TTC9C: variants seen among roughly 807,000 people sequenced by gnomAD.
TTC9C encodes the protein tetratricopeptide repeat domain 9C.
Under a neutral mutation model 22.5 loss-of-function variants are expected in TTC9C, and 15 were observed. The observed-to-expected ratio is 0.67, with a 90% confidence interval of 0.45 to 1.03. The LOEUF (loss-of-function observed/expected upper bound fraction) is 1.03, where lower values mean the gene tolerates loss of function less well. Ranked by LOEUF, TTC9C falls within the 50% of genes least tolerant of loss-of-function variation. The probability of loss-of-function intolerance (pLI) is 0.00; values close to 1 mark genes in which losing one functional copy is unlikely to be tolerated. For synonymous variants in TTC9C, 92 were observed against 86.8 expected (o/e 1.06, Z -0.33); for missense variants, 244 against 214.6 (o/e 1.14, Z -0.86).
chr11:62,728,548 GA>G lies in TTC9C; in HGVS notation c.-298del. ...AGTAGGGCCTTGCTTGAGTTCTTCG[GA>G]AAGTCTCATCCACCCCCACATCGCC... On this transcript the variant is annotated 5_prime_UTR_variant, in exon 1 of 3. Transcript: ENST00000316461. 1.9e-6 allele frequency: 1 copy of G among 522,220 alleles called. No individual in the cohort carries two copies. 32.3% of individuals were successfully genotyped at this position (522,220 alleles called of 1,614,324 possible).
At chr11:62,736,250 TG>T (rs2083910937) in intron 2 of TTC9C, 1 of 144,324 alleles carries the variant, frequency 6.9e-6, no homozygotes, top group African/African-American at 2.6e-5. Context: ...AAAACAGTGT[TG>T]TTTTTTGGGG....
chr11:62,738,620 T>C lies in TTC9C; in HGVS notation c.*238T>C. 1 of 384,872 alleles carries C rather than the reference T, an allele frequency of 2.6e-6. No individual in the cohort carries two copies. The highest frequency in any genetic ancestry group is 4.8e-6 in the Non-Finnish European group (1 of 209,596). 23.8% of individuals were successfully genotyped at this position (384,872 alleles called of 1,614,324 possible). On this transcript the variant is annotated 3_prime_UTR_variant, in exon 3 of 3. Coordinates refer to ENST00000316461, the MANE Select transcript of TTC9C (RefSeq NM_173810.4). ...TGTTGCAGATATTTGGCTTGAGAAA[T>C]ATAATCAGAAAACATACATCAGTTG...
chr11:62,736,937 C>A (rs1181274532), intron 2 of TTC9C, among the ~76,000 whole-genome samples: 1 of 151,388 alleles, frequency 6.6e-6, no homozygotes, highest in South Asian at 2.1e-4. Context: ...GTGGCTTATG[C>A]CTGTAATCCC....
In TTC9C at chr11:62,735,374, C is replaced by T; in HGVS notation, c.239-8C>T. 2.5e-6 allele frequency: 4 copies of T among 1,613,170 alleles called. No homozygotes were observed. Among genetic ancestry groups the T allele is most frequent in the Non-Finnish European group, 3.4e-6 (4 of 1,179,348 alleles). Reference sequence around the variant, plus strand: ...CTACCTCTTCTCTCTTTTCATTTGGCCCATTAGCTTGTCTCCTTCAGATGG... The same window carrying T: ...CTACCTCTTCTCTCTTTTCATTTGGTCCATTAGCTTGTCTCCTTCAGATGG... On this transcript the variant is annotated splice_region_variant and splice_polypyrimidine_tract_variant and intron_variant, in intron 1 of 2. Transcript: ENST00000316461.
rs778887758 is a variant in TTC9C, at chr11:62,735,414, G to A, written c.271G>A (p.Glu91Lys). 4 of 1,614,048 alleles carry A rather than the reference G, an allele frequency of 2.5e-6. No individual in the cohort carries two copies. Among genetic ancestry groups the A allele is most frequent in the Non-Finnish European group, 3.4e-6 (4 of 1,179,994 alleles). ...CLLQMEPVNY[E>K]RVREYSQKVL... is the part of the protein sequence containing the mutation. ...CCTTCAGATGGAGCCCGTGAACTAC[G>A]AACGAGTGAGAGAATATAGTCAGAA... The change falls in exon 2 of 3, where the codon GAA (glutamate) becomes AAA (lysine). Residue 91 changes from glutamate (E) to lysine (K), a missense_variant. Coordinates refer to ENST00000316461, the MANE Select transcript of TTC9C (RefSeq NM_173810.4).
chr11:62,729,573 T>A (rs2083822274), intron 1 of TTC9C, among the ~76,000 whole-genome samples: 1 of 144,666 alleles, frequency 6.9e-6, no homozygotes, highest in Non-Finnish European at 1.5e-5. Context: ...CAGCTAATTT[T>A]TTTTTTTTTT....
In TTC9C at chr11:62,735,539, G is replaced by A; in HGVS notation, c.396G>A (p.Leu132=). 6.2e-7 allele frequency: 1 copy of A among 1,613,534 alleles called. No individual in the cohort carries two copies. Among genetic ancestry groups the A allele is most frequent in the South Asian group, 1.1e-5 (1 of 91,038 alleles). The change falls in exon 2 of 3, where the codon CTG becomes CTA. Residue 132 remains leucine (L), a synonymous_variant. Coordinates refer to ENST00000316461, the MANE Select transcript of TTC9C (RefSeq NM_173810.4). ...QDYDQARHYL[L]AAVNRQPKDA... ...ATGACCAGGCCCGCCACTACCTCCTGGCTGCCGTGAATAGGCAGCCTAAAG... is the reference window on the plus strand; with the variant it reads ...ATGACCAGGCCCGCCACTACCTCCTAGCTGCCGTGAATAGGCAGCCTAAAG...
Position 62,729,009 on chromosome 11 carries a change from C to A in TTC9C, c.161C>A (p.Pro54His). 1 of 1,614,122 alleles carries A rather than the reference C, an allele frequency of 6.2e-7. No homozygotes were observed. Among genetic ancestry groups the A allele is most frequent in the Non-Finnish European group, 8.5e-7 (1 of 1,180,032 alleles). ...SLPSPLPNLG[P>H]QGPALTPEQE... is the part of the protein sequence containing the mutation. ...CCCTCTCCGTTACCTAATCTCGGAC[C>A]TCAGGGCCCGGCCCTCACGCCTGAA... The change falls in exon 1 of 3, where the codon CCT becomes CAT. Residue 54 changes from proline (P) to histidine (H), a missense_variant. Transcript: ENST00000316461.
intron 2 of TTC9C, chr11:62,736,234 A>C (rs866821253): frequency 3.3e-5 from 5 of 151,016 alleles, no homozygotes; most frequent in Non-Finnish European, 5.9e-5. Context: ...AAAAAAAAAA[A>C]AAAAAAAAAC....
At chr11:62,731,432 A>G (rs981411511) in intron 1 of TTC9C, among the ~76,000 whole-genome samples, 2 of 152,040 alleles carry the variant, frequency 1.3e-5, no homozygotes, top group Non-Finnish European at 2.9e-5. Flanking sequence ...CCCGGTCTCT[A>G]CAAAAAATAC....
At chr11:62,732,931 A>G (rs985961105) in intron 1 of TTC9C, among the ~76,000 whole-genome samples, 4 of 151,904 alleles carry the variant, frequency 2.6e-5, no homozygotes, top group Non-Finnish European at 4.4e-5. Context: ...AAAAACAAAC[A>G]AACAAAAAAT....
chr11:62,728,435 C>A (rs972362123), upstream of TTC9C: 21 of 456,138 alleles, frequency 4.6e-5, no homozygotes, highest in Non-Finnish European at 8.8e-5. Flanking sequence ...CCGCCCACTC[C>A]CTTCTACTTC....
chr11:62,729,392 A>G (rs2083817555), intron 1 of TTC9C, among the ~76,000 whole-genome samples: 1 of 136,752 alleles, frequency 7.3e-6, no homozygotes. Flanking sequence ...ATTTTATTTT[A>G]TTTTATTTTA....
At chr11:62,729,372 TTTTTATTTTA>T (rs140723477) in intron 1 of TTC9C, among the ~76,000 whole-genome samples, 5,426 of 138,262 alleles carry the variant, frequency 0.039, 342 homozygotes, top group African/African-American at 0.13. Flanking sequence ...TTTCTTTATT[TTTTTATTTTA>T]TTTTATTTTA....
rs748629774 is a variant in TTC9C at position 62,738,290 on chromosome 11, G to A, written c.424G>A (p.Ala142Thr). The A allele has an allele frequency of 4.4e-6, 7 of 1,608,858 alleles. No individual in the cohort carries two copies. In the South Asian group the frequency reaches 7.7e-5, roughly 18 times the overall value. The part of the protein sequence containing the change: ...LAAVNRQPKD[A>T]NVRRYLQLTQ... Reference sequence around the variant, plus strand: ...TTGCTTCTCCATCATCTTCCAAGATGCCAACGTCCGGCGGTACCTCCAGCT... The same window carrying A: ...TTGCTTCTCCATCATCTTCCAAGATACCAACGTCCGGCGGTACCTCCAGCT... The change falls in exon 3 of 3, where the codon GCC becomes ACC. Residue 142 changes from alanine to threonine, a missense_variant and splice_region_variant. Ala to Thr is a moderately conservative substitution (Grantham distance 58). Transcript: ENST00000316461.
intron 1 of TTC9C, among the ~76,000 whole-genome samples, chr11:62,733,947 A>G (rs2083881188): frequency 1.3e-5 from 2 of 151,968 alleles, no homozygotes; most frequent in Non-Finnish European, 2.9e-5. Context: ...AGCCAAGATC[A>G]CGCTACTGCA....
At chr11:62,732,730 C>G (rs2083866712) in intron 1 of TTC9C, among the ~76,000 whole-genome samples, 1 of 152,114 alleles carries the variant, frequency 6.6e-6, no homozygotes, top group South Asian at 2.1e-4. Flanking sequence ...ACCATCCTGG[C>G]TGATATGGTG....
In TTC9C at chr11:62,728,795, G is replaced by C; in HGVS notation, c.-54G>C. On this transcript the variant is annotated 5_prime_UTR_variant, in exon 1 of 3. Coordinates refer to ENST00000316461, the MANE Select transcript of TTC9C (RefSeq NM_173810.4). The stretch of plus-strand genomic sequence containing the variant: ...GTCAGTTATTTTGCTCCCAACCCCA[G>C]AGCTTCACTTGCTCCTTCACTTCCC... The C allele has an allele frequency of 6.3e-7, 1 of 1,583,188 alleles. No individual in the cohort carries two copies. The highest frequency in any genetic ancestry group is 8.7e-7 in the Non-Finnish European group (1 of 1,152,428).
intron 1 of TTC9C, 138 bp from the exon 2 acceptor site, chr11:62,735,244 T>C: frequency 8.6e-7 from 1 of 1,157,476 alleles, no homozygotes; most frequent in Non-Finnish European, 1.2e-6. Context: ...TAGAAGAGTG[T>C]CTGGCATATG....
Sources: allele counts gnomAD v4.1 joint callset (sites outside exome capture counted in the v4.1 genomes callset), GRCh38; gene constraint gnomAD v4.1.1; transcripts MANE v1.5; gene names NCBI Gene and HGNC (gene_info 2026-07-23, HGNC 2026-07-21).